Variants in GRIK1 observed in about 807,000 individuals in gnomAD.
GRIK1 encodes the protein glutamate ionotropic receptor kainate type subunit 1, also known as glutamate receptor ionotropic, kainate 1.
Under a neutral mutation model 105.7 loss-of-function variants are expected in GRIK1, and 69 were observed. The ratio of observed to expected loss-of-function variants is 0.65; its 90% CI spans 0.54 to 0.80. The LOEUF is 0.80. GRIK1 is among the 30% of genes least tolerant of loss of function. The pLI, the probability that GRIK1 is intolerant of heterozygous loss-of-function variation, is 0.00. For synonymous variants in GRIK1, 438 were observed against 431.3 expected, an observed-to-expected ratio of 1.02 and a Z score of -0.19; for missense variants, 1,109 against 1,167.3, an observed-to-expected ratio of 0.95 and a Z score of 0.73.
intron 7 of GRIK1, among the ~76,000 whole-genome samples, chr21:29,634,107 C>T (rs1422725397): frequency 2.3e-5 from 3 of 132,452 alleles, no homozygotes; most frequent in East Asian, 4.1e-4. Context: ...CAAAATCAGC[C>T]AACCAACCAA....
intron 16 of GRIK1, among the ~76,000 whole-genome samples, chr21:29,539,488 C>T (rs185722494): frequency 6.6e-6 from 1 of 152,226 alleles, no homozygotes; most frequent in East Asian, 1.9e-4. Flanking sequence ...TTTGTCTAGT[C>T]TGTGTATCAC....
At chr21:29,659,884 C>T (rs2062929007) in intron 4 of GRIK1, among the ~76,000 whole-genome samples, 1 of 152,082 alleles carries the variant, frequency 6.6e-6, no homozygotes, top group Non-Finnish European at 1.5e-5. Context: ...ATCACTTGAA[C>T]CTGGTAGGCG....
At position 29,908,360 on chromosome 21, in the gene GRIK1, C is replaced by A. The variant is rs2146285843; in HGVS notation, c.118+31023G>T. Among the ~76,000 whole-genome samples the A allele has an allele frequency of 2.6e-5, 4 of 152,242 alleles. 1 individual carries two copies. Among genetic ancestry groups the A allele is most frequent in the Middle Eastern group, 3.4e-3 (1 of 294 alleles). ...CCTTTTTCCCCTTGTTCCTCCTTGT[C>A]AATCCCCATTTTCTATCTCATCCTG... On this transcript the variant is annotated intron_variant, in intron 1 of 17. Coordinates refer to ENST00000327783, the MANE Select transcript of GRIK1 (RefSeq NM_001330994.2).
chr21:29,910,459 T>A (rs930216149), intron 1 of GRIK1, among the ~76,000 whole-genome samples: 1 of 152,114 alleles, frequency 6.6e-6, no homozygotes, highest in Non-Finnish European at 1.5e-5. Context: ...AATGTACAAG[T>A]GTTTCACTAA....
intron 1 of GRIK1, among the ~76,000 whole-genome samples, chr21:29,849,575 A>G (rs1357793132): frequency 1.3e-5 from 2 of 152,188 alleles, no homozygotes; most frequent in East Asian, 3.9e-4. Context: ...GAGTGATGTC[A>G]GGAAGGAGGA....
intron 11 of GRIK1, 84 bp downstream of exon 11, chr21:29,588,755 G>T: frequency 1.2e-6 from 1 of 811,412 alleles, no homozygotes; most frequent in Non-Finnish European, 2.0e-6. Context: ...TCAAAAAAAG[G>T]AAACATTTCT....
At chr21:29,838,440 T>C (rs1257318252) in intron 1 of GRIK1, among the ~76,000 whole-genome samples, 1 of 152,072 alleles carries the variant, frequency 6.6e-6, no homozygotes. Context: ...GGTGAAACAG[T>C]TATTAGTAAG....
chr21:29,725,068 C>T (rs2064421437), intron 1 of GRIK1, among the ~76,000 whole-genome samples: 1 of 149,954 alleles, frequency 6.7e-6, no homozygotes, highest in Admixed American at 6.7e-5. Context: ...TTATTAATTA[C>T]ACCTTTTCTG....
intron 12 of GRIK1, among the ~76,000 whole-genome samples, chr21:29,583,531 C>G (rs1332725500): frequency 3.9e-5 from 6 of 152,162 alleles, no homozygotes; most frequent in African/African-American, 1.4e-4. Context: ...GATATGCTCC[C>G]ATCGATGAGC....
At chr21:29,889,949 A>G (rs1214637202) in intron 1 of GRIK1, among the ~76,000 whole-genome samples, 1 of 152,038 alleles carries the variant, frequency 6.6e-6, no homozygotes, top group Non-Finnish European at 1.5e-5. Context: ...TCCTTTGTAG[A>G]GTTGTTCTGA....
At position 29,676,239 on chromosome 21, in the gene GRIK1, G is replaced by A. The variant is rs144024721; in HGVS notation, c.545-3075C>T. 3.9e-4 allele frequency among the ~76,000 whole-genome samples: 59 copies of A among 152,254 alleles called. 1 individual carries two copies. The highest frequency in any genetic ancestry group is 6.8e-3 in the Middle Eastern group (2 of 294). On this transcript the variant is annotated intron_variant, in intron 3 of 17. Coordinates refer to ENST00000327783, the MANE Select transcript of GRIK1 (RefSeq NM_001330994.2). ...CCTTTTGCCAGTATATAGGTAAACT[G>A]GCTTCAGAAAGGGGGAGGATCAGCA...
At chr21:29,786,645 A>G (rs987090628) in intron 1 of GRIK1, among the ~76,000 whole-genome samples, 1 of 152,216 alleles carries the variant, frequency 6.6e-6, no homozygotes, top group Non-Finnish European at 1.5e-5. Context: ...TGCCACAGTT[A>G]ATAAATTTCC....
At chr21:29,667,010 A>T (rs532119281) in intron 4 of GRIK1, among the ~76,000 whole-genome samples, 1 of 152,208 alleles carries the variant, frequency 6.6e-6, no homozygotes, top group Non-Finnish European at 1.5e-5. Flanking sequence ...TAAATGACTG[A>T]TGCATTTAAG....
At chr21:29,658,362 A>C (rs1182410629) in intron 4 of GRIK1, among the ~76,000 whole-genome samples, 2 of 152,160 alleles carry the variant, frequency 1.3e-5, no homozygotes, top group Non-Finnish European at 2.9e-5. Context: ...TCCTGAGTTC[A>C]AGCGATTCTC....
At position 29,723,944 on chromosome 21, in the gene GRIK1, T is replaced by G. The variant is rs2064387119; in HGVS notation, c.119-29881A>C. On this transcript the variant is annotated intron_variant, in intron 1 of 17. Coordinates refer to ENST00000327783, the MANE Select transcript of GRIK1 (RefSeq NM_001330994.2). ...AAGCAAATATTGGGGAAATCACAGCTGTTCCATAGGTCTTATCCTGCACTT... is the reference window on the plus strand; with the variant it reads ...AAGCAAATATTGGGGAAATCACAGCGGTTCCATAGGTCTTATCCTGCACTT... Among the ~76,000 whole-genome samples the G allele has an allele frequency of 2.0e-5, 3 of 152,346 alleles. No homozygotes were observed. The South Asian group carries it at 6.2e-4, about 32-fold the overall frequency.
rs566614477 is a variant in GRIK1 at position 29,853,329 on chromosome 21, C to T, written c.118+86054G>A. Among the ~76,000 whole-genome samples, 15 of 152,268 alleles carry T rather than the reference C, an allele frequency of 9.9e-5. No homozygotes were observed. In the South Asian group the frequency reaches 1.9e-3, roughly 19 times the overall value. On this transcript the variant is annotated intron_variant, in intron 1 of 17. Transcript: ENST00000327783. Reference sequence around the variant, plus strand: ...GATTTTTTGTTGTTGTTGACTGTTCCGTACATCGTAGGATATGTGGCAGCA... The same window carrying T: ...GATTTTTTGTTGTTGTTGACTGTTCTGTACATCGTAGGATATGTGGCAGCA...
At chr21:29,855,921 A>T (rs910900770) in intron 1 of GRIK1, among the ~76,000 whole-genome samples, 1 of 152,170 alleles carries the variant, frequency 6.6e-6, no homozygotes, top group African/African-American at 2.4e-5. Context: ...GGCTTGAACA[A>T]CTGGGTGGTT....
chr21:29,758,735 A>G (rs1441336183), intron 1 of GRIK1: 4 of 152,692 alleles, frequency 2.6e-5, no homozygotes, highest in Admixed American at 2.6e-4. Context: ...AACACTGAGC[A>G]AAATTATGAA....
At chr21:29,556,051 C>A (rs899055932) in intron 15 of GRIK1, among the ~76,000 whole-genome samples, 2 of 152,156 alleles carry the variant, frequency 1.3e-5, no homozygotes, top group Non-Finnish European at 2.9e-5. Flanking sequence ...GACCACCGAC[C>A]TTAGACTGGT....
Sources: gnomAD v4.1 joint callset for allele counts (sites outside exome capture counted in the v4.1 genomes callset) on GRCh38, gnomAD v4.1.1 for gene constraint, MANE v1.5 for transcripts, NCBI Gene and HGNC (gene_info 2026-07-23, HGNC 2026-07-21) for gene names.